SPTBN5: variants seen among roughly 807,000 people sequenced by gnomAD.
SPTBN5 encodes spectrin beta chain, non-erythrocytic 5.
A neutral mutation model predicts 477.6 loss-of-function variants in SPTBN5; 513 were observed. That is an observed-to-expected ratio of 1.07 (90% CI 1.00 to 1.16). SPTBN5 has a LOEUF of 1.16. SPTBN5 is among the 50% of genes most tolerant of loss of function. The probability of loss-of-function intolerance (pLI) is 0.00; values close to 1 mark genes in which losing one functional copy is unlikely to be tolerated. For missense variants in SPTBN5, 5,062 were observed against 4,731.8 expected (o/e 1.07, Z -2.05); for synonymous variants, 2,169 against 2,011.7 (o/e 1.08, Z -2.09).
chr15:41,892,505 C>T (rs2067342879), intron 3 of SPTBN5, among the ~76,000 whole-genome samples: 1 of 152,224 alleles, frequency 6.6e-6, no homozygotes, highest in South Asian at 2.1e-4. Flanking sequence ...CACATCTGGG[C>T]TCTGTTGGCT....
intron 47 of SPTBN5, among the ~76,000 whole-genome samples, chr15:41,859,303 C>G (rs1454706110): frequency 6.6e-6 from 1 of 152,126 alleles, no homozygotes; most frequent in Admixed American, 6.5e-5. Flanking sequence ...GGACTATAGG[C>G]TCACACCTCC....
intron 1 of SPTBN5, 162 bp from the exon 2 acceptor site, chr15:41,893,708 C>T: frequency 1.2e-6 from 1 of 858,994 alleles, no homozygotes; most frequent in African/African-American, 1.7e-5. Context: ...GCTTGAATGG[C>T]CCAGGGCCCC....
chr15:41,854,208 G>C lies in SPTBN5; in HGVS notation c.9619-3C>G. The C allele has an allele frequency of 6.3e-7, 1 of 1,592,752 alleles. No homozygotes were observed. The highest frequency in any genetic ancestry group is 8.5e-7 in the Non-Finnish European group (1 of 1,169,768). On this transcript the variant is annotated splice_polypyrimidine_tract_variant and splice_region_variant and intron_variant, in intron 56 of 67. Transcript: ENST00000320955. ...ACCTCATGGGCTGCAGCCAAGTTCTGGGAGAGGAGAAAGGACCTGCTCAGG... is the reference window on the plus strand; with the variant it reads ...ACCTCATGGGCTGCAGCCAAGTTCTCGGAGAGGAGAAAGGACCTGCTCAGG...
rs368500760 is a variant in SPTBN5, at chr15:41,876,935, T to C, written c.3725A>G (p.Glu1242Gly). ...GTGCTGCTGCAGCAGGCTCAGGGCCTCCCTCACGTCCTCCTGGGAGTGCAG... is the reference window on the plus strand; with the variant it reads ...GTGCTGCTGCAGCAGGCTCAGGGCCCCCCTCACGTCCTCCTGGGAGTGCAG... ...HLDNLGEDVR[E>G]ALSLLQQHRE... Residue 1242 changes from glutamate to glycine, a missense_variant, in exon 19 of 68, where the codon GAG becomes GGG. By Grantham distance (98) the Glu-to-Gly change is moderately conservative. Transcript: ENST00000320955. 1.4e-4 allele frequency: 218 copies of C among 1,607,990 alleles called. No homozygotes were observed. Among genetic ancestry groups the C allele is most frequent in the Non-Finnish European group, 2.0e-5 (23 of 1,178,576 alleles).
chr15:41,853,815 C>T (rs1399951276), intron 57 of SPTBN5, 28 bp from the exon 58 acceptor site: 1 of 1,528,744 alleles, frequency 6.5e-7, no homozygotes, highest in East Asian at 2.4e-5. Flanking sequence ...GATCAGGCCT[C>T]AGTCCCCCCA....
intron 35 of SPTBN5, 125 bp from the exon 36 acceptor site, chr15:41,867,251 G>T (rs1448778519): frequency 6.1e-6 from 7 of 1,150,074 alleles, no homozygotes; most frequent in South Asian, 3.2e-5. Flanking sequence ...TGGCTGAGGG[G>T]TATCTGATCC....
At chr15:41,855,100 G>A in intron 55 of SPTBN5, 124 bp from the exon 56 acceptor site, 2 of 1,428,166 alleles carry the variant, frequency 1.4e-6, no homozygotes, top group Non-Finnish European at 1.9e-6. Flanking sequence ...GAACCATCGG[G>A]ATCCTCCCTA....
intron 2 of SPTBN5, 88 bp downstream of exon 2, chr15:41,893,194 A>AT: frequency 6.3e-7 from 1 of 1,588,424 alleles, no homozygotes; most frequent in Non-Finnish European, 8.6e-7. Context: ...CCTCAGGCAG[A>AT]TGACCCCACA....
Position 41,876,244 on chromosome 15 carries a change from T to C in SPTBN5, c.3992A>G (p.Glu1331Gly), listed in dbSNP as rs1303935974. 2 of 1,596,990 alleles carry C rather than the reference T, an allele frequency of 1.3e-6. No homozygotes were observed. Among genetic ancestry groups the C allele is most frequent in the Non-Finnish European group, 8.5e-7 (1 of 1,174,580 alleles). ...QDVAELMQWM[E>G]EKGLMAAHEP... ...ATGCGCAGCCATCAGCCCCTTCTCT[T>C]CCATCCACTGCATCAGCTCTGCCAC... Residue 1331 changes from glutamate to glycine, a missense_variant, in exon 21 of 68, where the codon GAA becomes GGA. By Grantham distance (98) the Glu-to-Gly change is moderately conservative. Transcript: ENST00000320955.
rs991647786 is a variant in SPTBN5 at position 41,849,876 on chromosome 15, G to A, written c.11005C>T (p.Leu3669=). The A allele has an allele frequency of 1.3e-6, 2 of 1,576,114 alleles. No individual in the cohort carries two copies. Among genetic ancestry groups the A allele is most frequent in the Non-Finnish European group, 1.7e-6 (2 of 1,160,698 alleles). ...CTTKDARPGC[L]LRSDP ...CCCACCCAGGTGTCCCACCTGAGTA[G>A]ACATCCAGGCCGGGCATCCTTGGTC... The change falls in exon 67 of 68, where the codon CTA becomes TTA. Residue 3669 remains leucine, a synonymous_variant. Transcript: ENST00000320955.
intron 13 of SPTBN5, 32 bp downstream of exon 13, chr15:41,881,002 G>T: frequency 2.0e-6 from 3 of 1,537,848 alleles, no homozygotes; most frequent in East Asian, 4.9e-5. Flanking sequence ...ACAGAGTAAG[G>T]ACTCGAGCAT....
In SPTBN5 at chr15:41,867,113, C is replaced by A; in HGVS notation, c.6326G>T (p.Arg2109Leu). The A allele has an allele frequency of 6.5e-7, 1 of 1,536,080 alleles. No homozygotes were observed. Among genetic ancestry groups the A allele is most frequent in the Non-Finnish European group, 8.7e-7 (1 of 1,144,394 alleles). ...TAQDKKEAAL[R>L]ERLKTLRRPR... ...GCGCCGGAGCGTCTTCAGCCGCTCA[C>A]GCAGGGCTGCCTCCTGTGGGGCAGG... Residue 2109 changes from arginine to leucine, a missense_variant, in exon 36 of 68, where the codon CGT becomes CTT. Transcript: ENST00000320955.
At chr15:41,867,751 C>T (rs957228678) in intron 34 of SPTBN5, 109 bp from the exon 35 acceptor site, 1 of 1,056,990 alleles carries the variant, frequency 9.5e-7, no homozygotes, top group Non-Finnish European at 1.4e-6. Flanking sequence ...TTAGGAGTGC[C>T]CACTGAGCTT....
chr15:41,868,660 C>T, intron 32 of SPTBN5, 59 bp from the exon 33 acceptor site: 2 of 1,559,722 alleles, frequency 1.3e-6, no homozygotes, highest in Non-Finnish European at 1.7e-6. Flanking sequence ...AGCAGGAAAC[C>T]AGGTGCTGAG....
intron 67 of SPTBN5, among the ~76,000 whole-genome samples, chr15:41,849,171 G>T (rs1243617308): frequency 1.3e-5 from 2 of 152,202 alleles, no homozygotes; most frequent in African/African-American, 4.8e-5. Context: ...AACCTCAGGT[G>T]TCCCCTCCCC....
intron 10 of SPTBN5, 54 bp downstream of exon 10, chr15:41,882,531 G>C (rs955002452): frequency 6.3e-7 from 1 of 1,586,354 alleles, no homozygotes; most frequent in Non-Finnish European, 8.6e-7. Flanking sequence ...CCGGGGGCCC[G>C]AGAGGGAAGG....
rs772398118 is a variant in SPTBN5, at chr15:41,863,794, C to T, written c.7059G>A (p.Leu2353=). 6.2e-7 allele frequency: 1 copy of T among 1,613,872 alleles called. No homozygotes were observed. Among genetic ancestry groups the T allele is most frequent in the East Asian group, 2.2e-5 (1 of 44,876 alleles). ...CTTCGAGCTGCTGCTGGTACCGGAGCAAGTTGCCATGGAAACTCGCCCACC... is the reference window on the plus strand; with the variant it reads ...CTTCGAGCTGCTGCTGGTACCGGAGTAAGTTGCCATGGAAACTCGCCCACC... ...NNRWASFHGN[L]LRYQQQLEGA... Residue 2353 remains leucine (L), a synonymous_variant, in exon 41 of 68, where the codon TTG becomes TTA. Coordinates refer to ENST00000320955, the MANE Select transcript of SPTBN5 (RefSeq NM_016642.4).
At chr15:41,855,094 C>T (rs1036952087) in intron 55 of SPTBN5, 118 bp from the exon 56 acceptor site, 1 of 1,427,674 alleles carries the variant, frequency 7.0e-7, no homozygotes, top group South Asian at 1.4e-5. Flanking sequence ...GTTCTGGAAC[C>T]ATCGGGATCC....
In SPTBN5 at chr15:41,850,903, C is replaced by A. The variant is rs369869947; in HGVS notation, c.10872G>T (p.Pro3624=). The A allele has an allele frequency of 1.2e-6, 2 of 1,604,058 alleles. No individual in the cohort carries two copies. Among genetic ancestry groups the A allele is most frequent in the South Asian group, 1.1e-5 (1 of 88,856 alleles). Residue 3624 remains proline, a synonymous_variant, in exon 66 of 68, where the codon CCG becomes CCT. Coordinates refer to ENST00000320955, the MANE Select transcript of SPTBN5 (RefSeq NM_016642.4). ...ACCAGCTCTCAGCCTGCTCTTCGGA[C>A]GGTGCTGCAAACAGGATCTCTGCCC... ...TSGAEILFAA[P]SEEQAESWWR...
Sources: allele counts gnomAD v4.1 joint callset (sites outside exome capture counted in the v4.1 genomes callset), GRCh38; gene constraint gnomAD v4.1.1; transcripts MANE v1.5; gene names NCBI Gene and HGNC (gene_info 2026-07-23, HGNC 2026-07-21).